The following ZNF652 variants were observed in gnomAD, a reference collection of about 807,000 sequenced individuals.
The protein encoded by ZNF652 is zinc finger protein 652.
In ZNF652, 16 loss-of-function variants were observed where a neutral mutation model predicts 45.2. The observed-to-expected ratio is 0.35, with a 90% CI of 0.24 to 0.54. ZNF652 has a LOEUF of 0.54. Among genes scored for constraint, ZNF652 ranks in the 20% least tolerant of loss-of-function variants. The pLI is 0.91. For synonymous variants in ZNF652, 250 were observed against 260.6 expected, an observed-to-expected ratio of 0.96 and a Z score of 0.39; for missense variants, 614 against 765.6, an observed-to-expected ratio of 0.80 and a Z score of 2.34.
At chr17:49,355,667 A>T (rs1252709745) in intron 1 of ZNF652, among the ~76,000 whole-genome samples, 1 of 152,178 alleles carries the variant, frequency 6.6e-6, no homozygotes, top group Non-Finnish European at 1.5e-5. Flanking sequence ...TGGGAGGCCG[A>T]GGCGGGCAGA....
intron 2 of ZNF652, among the ~76,000 whole-genome samples, chr17:49,315,893 A>G (rs2069796946): frequency 6.6e-6 from 1 of 152,244 alleles, no homozygotes. Context: ...ATTAAAAGCA[A>G]CAGAAGAAAA....
rs1035044247 is a variant in ZNF652, at chr17:49,291,851, A to G, written c.*6562T>C. ...GAAACCCGTTACTGATTTCTGTAAC[A>G]TAAAAATCTACCTTTTTCATTTTGT... On this transcript the variant is annotated 3_prime_UTR_variant, in exon 6 of 6. Coordinates refer to ENST00000430262, the MANE Select transcript of ZNF652 (RefSeq NM_001145365.3). Among the ~76,000 whole-genome samples, 2 of 152,242 alleles carry G rather than the reference A, an allele frequency of 1.3e-5. No homozygotes were observed. Among genetic ancestry groups the G allele is most frequent in the African/African-American group, 2.4e-5 (1 of 41,466 alleles).
chr17:49,326,748 T>G (rs894144313), intron 1 of ZNF652, among the ~76,000 whole-genome samples: 6 of 152,196 alleles, frequency 3.9e-5, no homozygotes, highest in African/African-American at 1.4e-4. Flanking sequence ...CAGGAGTACT[T>G]ATTTTTATTA....
intron 1 of ZNF652, among the ~76,000 whole-genome samples, chr17:49,360,387 T>G (rs559737668): frequency 3.6e-4 from 55 of 152,338 alleles, no homozygotes; most frequent in African/African-American, 1.3e-3. Flanking sequence ...TATGTGTCTA[T>G]TTAATGGAGA....
Position 49,362,188 on chromosome 17 carries a change from G to T in ZNF652, c.-538C>A. On this transcript the variant is annotated 5_prime_UTR_variant, in exon 1 of 6. Coordinates refer to ENST00000430262, the MANE Select transcript of ZNF652 (RefSeq NM_001145365.3). ...GCGGGGCGGGCAGCGCGGGGCGGGC[G>T]GCAGGGGAGGGGGTGTGCGTGTGTG... 1 of 150,850 alleles carries T rather than the reference G, an allele frequency of 6.6e-6. No homozygotes were observed. The highest frequency in any genetic ancestry group is 1.8e-4 in the South Asian group (1 of 5,514). 9.3% of individuals were successfully genotyped at this position (150,850 alleles called of 1,614,324 possible).
chr17:49,317,861 G>C lies in ZNF652; in HGVS notation c.-136C>G, dbSNP rs1598296733. The C allele has an allele frequency of 3.0e-6, 3 of 1,012,858 alleles. No individual in the cohort carries two copies. The highest frequency in any genetic ancestry group is 3.3e-5 in the African/African-American group (2 of 61,440). 62.7% of individuals were successfully genotyped at this position (1,012,858 alleles called of 1,614,324 possible). On this transcript the variant is annotated 5_prime_UTR_variant, in exon 2 of 6. Coordinates refer to ENST00000430262, the MANE Select transcript of ZNF652 (RefSeq NM_001145365.3). ...AAAAAAAGATATTCCTGGAAACTGTGTGCAATTCTTCCAGTGTTGCAGCAC... is the reference window on the plus strand; with the variant it reads ...AAAAAAAGATATTCCTGGAAACTGTCTGCAATTCTTCCAGTGTTGCAGCAC...
At chr17:49,333,528 T>C (rs1018791140) in intron 1 of ZNF652, among the ~76,000 whole-genome samples, 3 of 112,072 alleles carry the variant, frequency 2.7e-5, no homozygotes, top group Non-Finnish European at 5.3e-5. Flanking sequence ...GCTAACATAG[T>C]GAAACCCTGT....
Position 49,312,118 on chromosome 17 carries a change from A to G in ZNF652, c.1049-76T>C, listed in dbSNP as rs542268220. The G allele has an allele frequency of 3.0e-5, 28 of 936,160 alleles. No individual in the cohort carries two copies. The East Asian group carries it at 7.1e-4, about 24-fold the overall frequency. The allele number at this position is 936,160 out of a possible 1,614,324, so 58.0% of individuals were successfully genotyped here. On this transcript the variant is annotated intron_variant, in intron 3 of 5. Coordinates refer to ENST00000430262, the MANE Select transcript of ZNF652 (RefSeq NM_001145365.3). Reference sequence around the variant, plus strand: ...AAACTAAAAAGGCATCCTACTGTAAAGCAATTAGGCCATCCTAATTTTCTA... The same window carrying G: ...AAACTAAAAAGGCATCCTACTGTAAGGCAATTAGGCCATCCTAATTTTCTA...
intron 1 of ZNF652, among the ~76,000 whole-genome samples, chr17:49,356,888 T>C (rs1008458830): frequency 6.6e-6 from 1 of 151,936 alleles, no homozygotes; most frequent in Non-Finnish European, 1.5e-5. Context: ...TTTAATTCTA[T>C]AGTAACCTAA....
chr17:49,336,598 G>C (rs1055695889), intron 1 of ZNF652, among the ~76,000 whole-genome samples: 10 of 151,726 alleles, frequency 6.6e-5, no homozygotes, highest in African/African-American at 2.4e-4. Flanking sequence ...CAAAGTGCTG[G>C]GATTACGTGA....
At chr17:49,325,993 T>C (rs924570294) in intron 1 of ZNF652, among the ~76,000 whole-genome samples, 3 of 152,028 alleles carry the variant, frequency 2.0e-5, no homozygotes, top group Non-Finnish European at 4.4e-5. Context: ...CCTGTTTACT[T>C]TAGTGCACGA....
At chr17:49,303,808 G>A (rs1044579903) in intron 5 of ZNF652, among the ~76,000 whole-genome samples, 4 of 152,030 alleles carry the variant, frequency 2.6e-5, no homozygotes, top group Non-Finnish European at 4.4e-5. Context: ...AGCAGTTACT[G>A]AATGTATGGA....
chr17:49,324,051 C>A, intron 1 of ZNF652, among the ~76,000 whole-genome samples: 1 of 152,226 alleles, frequency 6.6e-6, no homozygotes, highest in African/African-American at 2.4e-5. Flanking sequence ...CAATGACAGT[C>A]CTAGATGGCA....
At chr17:49,349,757 A>G (rs1199359754) in intron 1 of ZNF652, among the ~76,000 whole-genome samples, 2 of 152,238 alleles carry the variant, frequency 1.3e-5, no homozygotes, top group Admixed American at 6.5e-5. Context: ...CTATACTCAC[A>G]GAAGTGATAA....
chr17:49,300,793 A>G (rs1351186901), intron 5 of ZNF652, among the ~76,000 whole-genome samples: 1 of 152,164 alleles, frequency 6.6e-6, no homozygotes, highest in African/African-American at 2.4e-5. Flanking sequence ...TGTGTACCAG[A>G]CACTGCTAAC....
intron 1 of ZNF652, among the ~76,000 whole-genome samples, chr17:49,335,730 A>C (rs766618821): frequency 1.1e-4 from 16 of 152,204 alleles, no homozygotes; most frequent in Admixed American, 2.6e-4. Flanking sequence ...TATGAATCTC[A>C]GTTTGGAGAT....
chr17:49,298,791 C>T lies in ZNF652; in HGVS notation c.1443G>A (p.Ser481=), dbSNP rs146233387. 29 of 1,613,974 alleles carry T rather than the reference C, an allele frequency of 1.8e-5. No homozygotes were observed. Among genetic ancestry groups the T allele is most frequent in the Middle Eastern group, 1.6e-4 (1 of 6,062 alleles). The change falls in exon 6 of 6, where the codon TCG becomes TCA. Residue 481 remains serine, a synonymous_variant. Coordinates refer to ENST00000430262, the MANE Select transcript of ZNF652 (RefSeq NM_001145365.3). ...CDVCGQRFRF[S]NMLKAHKEKC... is the part of the protein sequence containing the mutation. ...TCTCCTTGTGGGCCTTAAGCATGTT[C>T]GAGAAGCGGAACCGCTGGCCACACA...
intron 4 of ZNF652, 136 bp from the exon 5 acceptor site, chr17:49,311,592 G>T: frequency 1.0e-6 from 1 of 1,000,632 alleles, no homozygotes; most frequent in Non-Finnish European, 1.4e-6. Context: ...ATTTGGCTTT[G>T]CTATATTTCT....
At chr17:49,303,077 G>A (rs937397576) in intron 5 of ZNF652, among the ~76,000 whole-genome samples, 3 of 152,052 alleles carry the variant, frequency 2.0e-5, no homozygotes, top group Admixed American at 1.3e-4. Context: ...TATAATCCCA[G>A]CACTTTGGGA....
Sources: allele counts gnomAD v4.1 joint callset (sites outside exome capture counted in the v4.1 genomes callset), GRCh38; gene constraint gnomAD v4.1.1; transcripts MANE v1.5; gene names NCBI Gene and HGNC (gene_info 2026-07-23, HGNC 2026-07-21).